Variants in GLRX3 observed in about 807,000 individuals in gnomAD.
GLRX3 encodes glutaredoxin-3.
Under a neutral mutation model 49.5 loss-of-function variants are expected in GLRX3, and 22 were observed. The ratio of observed to expected loss-of-function variants is 0.44; its 90% CI spans 0.32 to 0.63. The LOEUF is 0.63. Ranked by LOEUF, GLRX3 falls within the 30% of genes least tolerant of loss-of-function variation. The pLI, the probability that GLRX3 is intolerant of heterozygous loss-of-function variation, is 0.05. For synonymous variants in GLRX3, 133 were observed against 140.0 expected (o/e 0.95, Z 0.35); for missense variants, 385 against 396.3 (o/e 0.97, Z 0.24).
At chr10:130,178,072 A>C (rs1862956542) in intron 10 of GLRX3, among the ~76,000 whole-genome samples, 1 of 152,078 alleles carries the variant, frequency 6.6e-6, no homozygotes, top group Non-Finnish European at 1.5e-5. Context: ...CTGAATTGTT[A>C]GGTCTTTTTA....
intron 2 of GLRX3, among the ~76,000 whole-genome samples, chr10:130,156,102 A>G (rs1476792605): frequency 1.3e-5 from 2 of 152,354 alleles, no homozygotes; most frequent in African/African-American, 4.8e-5. Flanking sequence ...CTACTATAAC[A>G]GAATACCTTA....
intron 4 of GLRX3, among the ~76,000 whole-genome samples, chr10:130,163,767 G>A (rs1449267297): frequency 6.6e-6 from 1 of 152,160 alleles, no homozygotes; most frequent in African/African-American, 2.4e-5. Flanking sequence ...AGCCTGGTTA[G>A]TGGAGCATTG....
At chr10:130,156,601 C>T (rs550369658) in intron 2 of GLRX3, among the ~76,000 whole-genome samples, 3 of 151,022 alleles carry the variant, frequency 2.0e-5, no homozygotes, top group Admixed American at 6.6e-5. Flanking sequence ...TGAGTCTATA[C>T]GTGAAGCACA....
intron 1 of GLRX3, among the ~76,000 whole-genome samples, chr10:130,136,749 C>T (rs1263523880): frequency 1.3e-5 from 2 of 152,184 alleles, no homozygotes; most frequent in Non-Finnish European, 2.9e-5. Flanking sequence ...CCTGGAAGCC[C>T]CGGCCCCAGC....
chr10:130,166,857 G>A (rs1862701131), intron 5 of GLRX3, 62 bp from the exon 6 acceptor site: 1 of 1,114,110 alleles, frequency 9.0e-7, no homozygotes, highest in Non-Finnish European at 1.4e-6. Flanking sequence ...GTTATGGTAT[G>A]ATCAAGGAGA....
Position 130,148,462 on chromosome 10 carries a change from A to G in GLRX3, c.201+3143A>G, listed in dbSNP as rs868362666. Among the ~76,000 whole-genome samples the G allele has an allele frequency of 1.2e-3, 92 of 78,084 alleles. 1 individual carries two copies. The Middle Eastern group carries it at 0.069, about 59-fold the overall frequency. 51.2% of individuals were successfully genotyped at this position (78,084 alleles called of 152,430 possible). A position where few individuals can be genotyped will look rare whatever the true frequency, so the allele number is the denominator to read the frequency against. On this transcript the variant is annotated intron_variant, in intron 2 of 10. Transcript: ENST00000331244. ...TTTTTTTTTTTTTTTTTTTTTTTTA[A>G]TGATGAAATGGTTTGGCATTTTTGG...
chr10:130,179,640 A>C lies in GLRX3; in HGVS notation c.*248A>C. 1 of 432,528 alleles carries C rather than the reference A, an allele frequency of 2.3e-6. No individual in the cohort carries two copies. Among genetic ancestry groups the C allele is most frequent in the South Asian group, 2.8e-5 (1 of 35,550 alleles). The allele number at this position is 432,528 out of a possible 1,614,324, so 26.8% of individuals were successfully genotyped here. ...TATGAAAAAAGTGTATCTTTACAGC[A>C]GTATTAAACATACAGCTACTATAAT... On this transcript the variant is annotated 3_prime_UTR_variant, in exon 11 of 11. Coordinates refer to ENST00000331244, the MANE Select transcript of GLRX3 (RefSeq NM_006541.5).
chr10:130,139,567 G>C (rs1033522340), intron 1 of GLRX3, among the ~76,000 whole-genome samples: 6 of 151,394 alleles, frequency 4.0e-5, no homozygotes, highest in Non-Finnish European at 8.8e-5. Flanking sequence ...GCATGAACCT[G>C]GGAGGCGGAG....
At chr10:130,177,125 C>T (rs1365305226) in intron 10 of GLRX3, among the ~76,000 whole-genome samples, 1 of 152,154 alleles carries the variant, frequency 6.6e-6, no homozygotes, top group African/African-American at 2.4e-5. Flanking sequence ...TTGCAGAATG[C>T]AGTTCTTCAT....
At chr10:130,166,349 C>G (rs1862686685) in intron 4 of GLRX3, among the ~76,000 whole-genome samples, 158 bp from the exon 5 acceptor site, 1 of 149,674 alleles carries the variant, frequency 6.7e-6, no homozygotes, top group South Asian at 2.1e-4. Context: ...AATTTATTTT[C>G]TCTTTGTATA....
At chr10:130,137,741 TG>T (rs1434572673) in intron 1 of GLRX3, among the ~76,000 whole-genome samples, 1 of 152,128 alleles carries the variant, frequency 6.6e-6, no homozygotes, top group East Asian at 1.9e-4. Flanking sequence ...AGCTTTGTTT[TG>T]TTTTGTTTTT....
chr10:130,153,424 A>G (rs1353945991), intron 2 of GLRX3, among the ~76,000 whole-genome samples: 1 of 152,074 alleles, frequency 6.6e-6, no homozygotes, highest in Non-Finnish European at 1.5e-5. Flanking sequence ...GTTTCTCCCC[A>G]TCTTTGTGGT....
chr10:130,143,748 A>G (rs1395866191), intron 1 of GLRX3, among the ~76,000 whole-genome samples: 1 of 151,084 alleles, frequency 6.6e-6, no homozygotes, highest in Non-Finnish European at 1.5e-5. Flanking sequence ...TCCAGGCTGC[A>G]GTGCAGTGGT....
chr10:130,145,595 G>C (rs1025893114), intron 2 of GLRX3, among the ~76,000 whole-genome samples: 6 of 152,212 alleles, frequency 3.9e-5, no homozygotes, highest in African/African-American at 1.2e-4. Flanking sequence ...CCGGGAGGCA[G>C]AGATTGCAGT....
chr10:130,165,122 A>T (rs1203736843), intron 4 of GLRX3, among the ~76,000 whole-genome samples: 1 of 152,196 alleles, frequency 6.6e-6, no homozygotes, highest in Admixed American at 6.5e-5. Context: ...AATTAATCTT[A>T]TATTGAATTT....
At chr10:130,147,999 C>T (rs1382178452) in intron 2 of GLRX3, among the ~76,000 whole-genome samples, 2 of 152,184 alleles carry the variant, frequency 1.3e-5, no homozygotes, top group Admixed American at 6.5e-5. Flanking sequence ...CACCACTGGA[C>T]GTAGAGTGAT....
At chr10:130,137,116 A>G (rs1186669185) in intron 1 of GLRX3, among the ~76,000 whole-genome samples, 1 of 152,258 alleles carries the variant, frequency 6.6e-6, no homozygotes, top group Non-Finnish European at 1.5e-5. Context: ...TTTGTTGGAC[A>G]GCAGGTAGCC....
intron 1 of GLRX3, among the ~76,000 whole-genome samples, chr10:130,143,491 T>C (rs1319154798): frequency 1.3e-5 from 2 of 152,160 alleles, no homozygotes; most frequent in African/African-American, 2.4e-5. Flanking sequence ...AAATAGATAC[T>C]GAGTTATTAA....
intron 4 of GLRX3, among the ~76,000 whole-genome samples, chr10:130,163,827 T>A (rs2134908156): frequency 6.6e-6 from 1 of 152,348 alleles, no homozygotes; most frequent in Middle Eastern, 3.4e-3. Context: ...CAAAGCTCCC[T>A]TTATAAAAGC....
Sources: gnomAD v4.1 joint callset for allele counts (sites outside exome capture counted in the v4.1 genomes callset) on GRCh38, gnomAD v4.1.1 for gene constraint, MANE v1.5 for transcripts, NCBI Gene and HGNC (gene_info 2026-07-23, HGNC 2026-07-21) for gene names.